Variants in NELL1 observed in about 807,000 individuals in gnomAD.
The protein encoded by NELL1 is neural EGFL like 1, also known as protein kinase C-binding protein NELL1.
A neutral mutation model predicts 107.4 loss-of-function variants in NELL1; 76 were observed. That is an observed-to-expected ratio of 0.71 (90% CI 0.59 to 0.86). NELL1 has a LOEUF of 0.86. Ranked by LOEUF, NELL1 falls within the 40% of genes least tolerant of loss-of-function variation. NELL1 has a pLI of 0.00. For synonymous variants in NELL1, 353 were observed against 341.2 expected, an observed-to-expected ratio of 1.03 and a Z score of -0.38; for missense variants, 1,024 against 1,005.5, an observed-to-expected ratio of 1.02 and a Z score of -0.25.
chr11:21,107,082 C>T (rs1016749613), intron 12 of NELL1, among the ~76,000 whole-genome samples: 6 of 152,090 alleles, frequency 3.9e-5, no homozygotes, highest in African/African-American at 1.4e-4. Flanking sequence ...TGCTGTTATC[C>T]GTTATCAATA....
chr11:21,439,484 C>G (rs1564894272), intron 15 of NELL1, among the ~76,000 whole-genome samples: 1 of 152,028 alleles, frequency 6.6e-6, no homozygotes, highest in Non-Finnish European at 1.5e-5. Flanking sequence ...AGTCATATGG[C>G]AAGAGCAAAG....
At chr11:20,721,132 G>A (rs1302295790) in intron 2 of NELL1, among the ~76,000 whole-genome samples, 1 of 144,182 alleles carries the variant, frequency 6.9e-6, no homozygotes, top group Non-Finnish European at 1.5e-5. Flanking sequence ...TCTCCTTTCT[G>A]CCCACTGCAT....
intron 13 of NELL1, among the ~76,000 whole-genome samples, chr11:21,186,104 A>C (rs1269622446): frequency 6.6e-6 from 1 of 151,846 alleles, no homozygotes; most frequent in Admixed American, 6.6e-5. Flanking sequence ...CTCAAGAGTC[A>C]AAATTGAATG....
intron 12 of NELL1, among the ~76,000 whole-genome samples, chr11:21,034,905 A>G (rs1034855557): frequency 6.6e-6 from 1 of 152,144 alleles, no homozygotes; most frequent in Admixed American, 6.6e-5. Context: ...GCTGAACTGA[A>G]GGAGATTGAG....
rs552341859 is a variant in NELL1 at position 21,455,239 on chromosome 11, A to G, written c.1646-79135A>G. 3.3e-5 allele frequency among the ~76,000 whole-genome samples: 5 copies of G among 150,582 alleles called. No individual in the cohort carries two copies. The South Asian group carries it at 8.4e-4, about 25-fold the overall frequency. ...CTTGTTTAAATATTTTCTATGGAGA[A>G]TATCATAGTCATTTGATCACATTTT... On this transcript the variant is annotated intron_variant, in intron 15 of 19. Transcript: ENST00000357134.
At chr11:21,323,214 T>G (rs2133670455) in intron 14 of NELL1, among the ~76,000 whole-genome samples, 1 of 152,294 alleles carries the variant, frequency 6.6e-6, no homozygotes, top group East Asian at 1.9e-4. Context: ...TGTAACAAAT[T>G]TTTAAACTGA....
At chr11:21,198,744 T>C (rs1222809853) in intron 13 of NELL1, among the ~76,000 whole-genome samples, 3 of 152,230 alleles carry the variant, frequency 2.0e-5, no homozygotes, top group Admixed American at 1.3e-4. Flanking sequence ...CTTTGGCATT[T>C]GGAAATCAGC....
chr11:20,736,963 C>T (rs532305873), intron 2 of NELL1, among the ~76,000 whole-genome samples: 4 of 152,156 alleles, frequency 2.6e-5, no homozygotes, highest in African/African-American at 9.6e-5. Context: ...CCATGTTGTC[C>T]AGGCTGGTCT....
chr11:21,124,906 A>G (rs899325060), intron 13 of NELL1, among the ~76,000 whole-genome samples: 1 of 151,960 alleles, frequency 6.6e-6, no homozygotes, highest in African/African-American at 2.4e-5. Context: ...TGGCCAGATG[A>G]TGTTTTCTTA....
intron 13 of NELL1, among the ~76,000 whole-genome samples, chr11:21,220,282 G>C (rs184576755): frequency 1.3e-5 from 2 of 152,260 alleles, no homozygotes; most frequent in East Asian, 3.9e-4. Context: ...ATATTTTGAA[G>C]TCAGGTAGTG....
intron 6 of NELL1, 101 bp from the exon 7 acceptor site, chr11:20,919,151 C>A: frequency 1.7e-6 from 1 of 587,550 alleles, no homozygotes; most frequent in Non-Finnish European, 2.8e-6. Flanking sequence ...CCAAAAAAAC[C>A]CCAAAAACTC....
intron 13 of NELL1, among the ~76,000 whole-genome samples, chr11:21,136,697 C>T (rs1424738474): frequency 3.9e-5 from 6 of 152,100 alleles, no homozygotes; most frequent in Non-Finnish European, 8.8e-5. Context: ...GGAACAGTCC[C>T]CTGTGGTTTG....
intron 3 of NELL1, among the ~76,000 whole-genome samples, chr11:20,825,596 T>A (rs576561960): frequency 6.6e-6 from 1 of 151,458 alleles, no homozygotes; most frequent in African/African-American, 2.4e-5. Flanking sequence ...AGCCTCTTTG[T>A]TTTTGCTAAT....
At chr11:21,326,478 A>G (rs1195236060) in intron 14 of NELL1, among the ~76,000 whole-genome samples, 1 of 152,090 alleles carries the variant, frequency 6.6e-6, no homozygotes, top group African/African-American at 2.4e-5. Context: ...TATGCATGTT[A>G]TAAACTCTCA....
intron 15 of NELL1, among the ~76,000 whole-genome samples, chr11:21,532,367 G>C (rs527867459): frequency 8.5e-4 from 129 of 152,284 alleles, no homozygotes; most frequent in African/African-American, 3.0e-3. Context: ...AAAAGTATTT[G>C]CACATCATTC....
At chr11:21,403,935 C>T (rs889483672) in intron 15 of NELL1, among the ~76,000 whole-genome samples, 16 of 148,542 alleles carry the variant, frequency 1.1e-4, no homozygotes, top group Admixed American at 4.7e-4. Context: ...TAGAGCGTTC[C>T]GTGACTTATG....
At chr11:21,097,997 C>G (rs1011760126) in intron 12 of NELL1, among the ~76,000 whole-genome samples, 2 of 151,582 alleles carry the variant, frequency 1.3e-5, no homozygotes, top group African/African-American at 2.4e-5. Context: ...AAAAAGCTAC[C>G]CTGATCAGTT....
At chr11:21,139,292 T>C (rs557128050) in intron 13 of NELL1, among the ~76,000 whole-genome samples, 33 of 152,324 alleles carry the variant, frequency 2.2e-4, no homozygotes, top group African/African-American at 7.9e-4. Context: ...ATTCAGTCTC[T>C]AGTTATCCAT....
At chr11:21,106,177 C>G (rs958742728) in intron 12 of NELL1, among the ~76,000 whole-genome samples, 1 of 151,790 alleles carries the variant, frequency 6.6e-6, no homozygotes, top group African/African-American at 2.4e-5. Context: ...GATCAGAGAC[C>G]TAGCCCACAA....
Sources: allele counts gnomAD v4.1 joint callset (sites outside exome capture counted in the v4.1 genomes callset), GRCh38; gene constraint gnomAD v4.1.1; transcripts MANE v1.5; gene names NCBI Gene and HGNC (gene_info 2026-07-23, HGNC 2026-07-21).